Variants in AKR1C2 observed in about 807,000 individuals in gnomAD.
The protein encoded by AKR1C2 is aldo-keto reductase family 1 member C2, also known as 3-alpha-HSD3.
AKR1C2 carries 27 observed loss-of-function variants against 39.8 expected under a neutral mutation model. That is an observed-to-expected ratio of 0.68 (90% CI 0.50 to 0.93). AKR1C2 has a LOEUF of 0.93. AKR1C2 is among the 40% of genes least tolerant of loss of function. The pLI is 0.00. For synonymous variants in AKR1C2, 114 were observed against 137.9 expected, an observed-to-expected ratio of 0.83 and a Z score of 1.22; for missense variants, 263 against 365.1, an observed-to-expected ratio of 0.72 and a Z score of 2.28.
At chr10:5,012,729 G>A (rs1216822675) in intron 1 of AKR1C2, among the ~76,000 whole-genome samples, 6 of 152,106 alleles carry the variant, frequency 3.9e-5, no homozygotes, top group African/African-American at 1.4e-4. Flanking sequence ...GGTGCTTCAG[G>A]CCACAACATT....
At chr10:5,006,785 CT>C (rs57936312), upstream of AKR1C2, among the ~76,000 whole-genome samples, 192 of 144,778 alleles carry the variant, frequency 1.3e-3, 1 homozygote, top group African/African-American at 3.7e-3. Flanking sequence ...ATTTCAGCCT[CT>C]TTTTTTTTTT....
At chr10:5,013,015 T>C (rs1360656371) in intron 1 of AKR1C2, among the ~76,000 whole-genome samples, 1 of 152,192 alleles carries the variant, frequency 6.6e-6, no homozygotes, top group Non-Finnish European at 1.5e-5. Flanking sequence ...TGAATGAACC[T>C]CTATTCAGGC....
chr10:4,990,002 T>C lies in AKR1C2; in HGVS notation c.966A>G (p.Glu322=), dbSNP rs1836776671. 2 of 1,608,818 alleles carry C rather than the reference T, an allele frequency of 1.2e-6. No homozygotes were observed. The highest frequency in any genetic ancestry group is 1.7e-6 in the Non-Finnish European group (2 of 1,178,532). ...AGPPNYPFSD[E]Y ...TCATGCAATGCCCTCCATGTTAATA[T>C]TCATCAGAAAATGGATAATTAGGGG... is the stretch of plus-strand genomic sequence containing the variant. The change falls in exon 9 of 9, where the codon GAA becomes GAG. Residue 322 remains glutamate, a synonymous_variant. Coordinates refer to ENST00000380753, the MANE Select transcript of AKR1C2 (RefSeq NM_001393392.1).
rs1399989850 is a variant in AKR1C2, at chr10:4,989,291, A to G, written c.*705T>C. 1 of 152,158 alleles carries G rather than the reference A, an allele frequency of 6.6e-6. No homozygotes were observed. Among genetic ancestry groups the G allele is most frequent in the Non-Finnish European group, 1.5e-5 (1 of 68,050 alleles). 9.4% of individuals were successfully genotyped at this position (152,158 alleles called of 1,614,324 possible). A position where few individuals can be genotyped will look rare whatever the true frequency, so the allele number is the denominator to read the frequency against. ...TGGGGTTTGTTAAAACAATGTGGAA[A>G]GTTTTCTTTTATGAACAAGATATAA... On this transcript the variant is annotated 3_prime_UTR_variant, in exon 9 of 9. Coordinates refer to ENST00000380753, the MANE Select transcript of AKR1C2 (RefSeq NM_001393392.1).
At chr10:4,996,547 A>ATAT (rs371538926) in intron 5 of AKR1C2, among the ~76,000 whole-genome samples, 4 of 144,548 alleles carry the variant, frequency 2.8e-5, no homozygotes, top group South Asian at 4.4e-4. Context: ...ATATATATAT[A>ATAT]ATATATATAT....
At chr10:5,012,777 C>G (rs1837550478) in intron 1 of AKR1C2, among the ~76,000 whole-genome samples, 1 of 152,182 alleles carries the variant, frequency 6.6e-6, no homozygotes, top group African/African-American at 2.4e-5. Flanking sequence ...GAAATGAATT[C>G]AAACGTGATT....
chr10:5,001,100 G>A (rs1418654310), intron 2 of AKR1C2, among the ~76,000 whole-genome samples: 1 of 152,114 alleles, frequency 6.6e-6, no homozygotes, highest in African/African-American at 2.4e-5. Context: ...AACAATGTAG[G>A]TATCACTCTT....
At chr10:5,002,142 A>G (rs1554773915) in intron 1 of AKR1C2, among the ~76,000 whole-genome samples, 1 of 152,218 alleles carries the variant, frequency 6.6e-6, no homozygotes, top group African/African-American at 2.4e-5. Context: ...TTGTCAATGT[A>G]TGTGAACTGT....
At chr10:5,002,431 G>A (rs1354896589) in intron 1 of AKR1C2, among the ~76,000 whole-genome samples, 6 of 152,118 alleles carry the variant, frequency 3.9e-5, no homozygotes, top group Non-Finnish European at 1.5e-5. Flanking sequence ...TTCTACCCAG[G>A]TTTTGGCCAT....
intron 1 of AKR1C2, 83 bp downstream of exon 1, chr10:5,003,669 T>C (rs1837337118): frequency 7.5e-7 from 1 of 1,325,612 alleles, no homozygotes; most frequent in Non-Finnish European, 1.1e-6. Flanking sequence ...CAGAGTAACA[T>C]AGGAACACAA....
intron 2 of AKR1C2, 111 bp downstream of exon 2, chr10:5,001,403 C>T (rs543922919): frequency 1.6e-5 from 24 of 1,512,266 alleles, no homozygotes; most frequent in East Asian, 4.6e-5. Context: ...GTGAATAAAT[C>T]GAAATAAATA....
At chr10:5,001,421 T>A in intron 2 of AKR1C2, 93 bp downstream of exon 2, 2 of 1,524,038 alleles carry the variant, frequency 1.3e-6, no homozygotes, top group Non-Finnish European at 1.8e-6. Flanking sequence ...ATAAGCACAA[T>A]TCACCCTCAA....
chr10:5,005,345 T>TA, upstream of AKR1C2, among the ~76,000 whole-genome samples: 1 of 152,226 alleles, frequency 6.6e-6, no homozygotes, highest in Admixed American at 6.5e-5. Flanking sequence ...CTATATACAG[T>TA]AAAAAAGATG....
chr10:5,007,913 C>T (rs1406662139), upstream of AKR1C2, among the ~76,000 whole-genome samples: 76 of 150,804 alleles, frequency 5.0e-4, no homozygotes, highest in African/African-American at 1.9e-3. Context: ...ATAAAGCCGA[C>T]AGGGCAGAAA....
At chr10:5,016,744 TC>T (rs1210759204) in intron 1 of AKR1C2, among the ~76,000 whole-genome samples, 1 of 152,086 alleles carries the variant, frequency 6.6e-6, no homozygotes, top group Non-Finnish European at 1.5e-5. Context: ...AACCCCACAT[TC>T]CCCCTCCACA....
rs1315099761 is a variant in AKR1C2, at chr10:4,988,128, G to C, written c.*1868C>G. The C allele has an allele frequency of 6.6e-6, 1 of 152,134 alleles. No homozygotes were observed. The highest frequency in any genetic ancestry group is 1.5e-5 in the Non-Finnish European group (1 of 68,026). 9.4% of individuals were successfully genotyped at this position (152,134 alleles called of 1,614,324 possible). A position where few individuals can be genotyped will look rare whatever the true frequency, so the allele number is the denominator to read the frequency against. On this transcript the variant is annotated 3_prime_UTR_variant, in exon 9 of 9. Transcript: ENST00000380753. Reference sequence around the variant, plus strand: ...GATTATTTCACATCTTGAAAAAAGAGTTACACGTGCTATAGAGATTTGAAA... The same window carrying C: ...GATTATTTCACATCTTGAAAAAAGACTTACACGTGCTATAGAGATTTGAAA...
At chr10:5,014,798 A>G (rs1837604291) in intron 1 of AKR1C2, 1 of 152,198 alleles carries the variant, frequency 6.6e-6, no homozygotes, top group Non-Finnish European at 1.5e-5. Flanking sequence ...ATGGCTTTGC[A>G]TATTTAATTT....
At chr10:5,016,857 C>A (rs1275074293) in intron 1 of AKR1C2, among the ~76,000 whole-genome samples, 2 of 152,200 alleles carry the variant, frequency 1.3e-5, no homozygotes, top group African/African-American at 4.8e-5. Flanking sequence ...AGGCAGAGGC[C>A]CCCAAGCCTC....
At chr10:5,014,321 T>C (rs1272483606) in intron 1 of AKR1C2, among the ~76,000 whole-genome samples, 1 of 152,198 alleles carries the variant, frequency 6.6e-6, no homozygotes, top group African/African-American at 2.4e-5. Flanking sequence ...GGCTGTCCTC[T>C]GCTATGGTTA....
Sources: allele counts gnomAD v4.1 joint callset (sites outside exome capture counted in the v4.1 genomes callset), GRCh38; gene constraint gnomAD v4.1.1; transcripts MANE v1.5; gene names NCBI Gene and HGNC (gene_info 2026-07-23, HGNC 2026-07-21).